AKR1C3: variants seen among roughly 807,000 people sequenced by gnomAD.
AKR1C3 encodes 3-alpha hydroxysteroid dehydrogenase, type II.
In AKR1C3, 48 loss-of-function variants were observed where a neutral mutation model predicts 43.6. The observed-to-expected ratio is 1.10, with a 90% confidence interval of 0.87 to 1.40. The LOEUF (loss-of-function observed/expected upper bound fraction) is 1.40. Among genes scored for constraint, AKR1C3 ranks in the 40% most tolerant of loss-of-function variants. The pLI, the probability that AKR1C3 is intolerant of heterozygous loss-of-function variation, is 0.00. For synonymous variants in AKR1C3, 162 were observed against 139.6 expected (o/e 1.16, Z -1.13); for missense variants, 482 against 391.2 (o/e 1.23, Z -1.96).
chr10:5,098,675 T>G (rs932910731), intron 3 of AKR1C3, 127 bp from the exon 4 acceptor site: 65 of 733,914 alleles, frequency 8.9e-5, no homozygotes, highest in Middle Eastern at 5.4e-4. Flanking sequence ...ACTTAGCACA[T>G]ATCACTTTCT....
At chr10:5,059,186 C>G (rs1554779960) in intron 1 of AKR1C3, among the ~76,000 whole-genome samples, 1 of 152,156 alleles carries the variant, frequency 6.6e-6, no homozygotes, top group African/African-American at 2.4e-5. Flanking sequence ...TTATGTCTTT[C>G]TGATTGGTGA....
At chr10:5,104,782 TA>T in intron 7 of AKR1C3, among the ~76,000 whole-genome samples, 1 of 152,166 alleles carries the variant, frequency 6.6e-6, no homozygotes, top group South Asian at 2.1e-4. Context: ...AAACCATATG[TA>T]TTTTTAAATA....
intron 1 of AKR1C3, among the ~76,000 whole-genome samples, chr10:5,080,397 G>A (rs1564362136): frequency 6.6e-6 from 1 of 152,320 alleles, no homozygotes; most frequent in East Asian, 1.9e-4. Context: ...GCTAAGGCAA[G>A]TGGATTGCTT....
chr10:5,082,371 AG>A (rs1554782448), intron 1 of AKR1C3, among the ~76,000 whole-genome samples: 4 of 152,084 alleles, frequency 2.6e-5, no homozygotes, highest in African/African-American at 9.7e-5. Flanking sequence ...TCCAGTTCTT[AG>A]GGGAAAGGTT....
intron 1 of AKR1C3, among the ~76,000 whole-genome samples, chr10:5,095,386 C>T (rs1429176509): frequency 3.3e-5 from 5 of 151,558 alleles, no homozygotes; most frequent in African/African-American, 1.2e-4. Context: ...TATAAATTGG[C>T]ATGGGCAGGA....
At chr10:5,048,879 C>A (rs1554778638) in exon 1 of AKR1C3, 4 of 1,613,642 alleles carry the variant, frequency 2.5e-6, no homozygotes, top group Non-Finnish European at 3.4e-6. Flanking sequence ...GGATTTGGCA[C>A]CTATGCACCT....
chr10:5,062,191 C>A (rs1937837), intron 1 of AKR1C3, among the ~76,000 whole-genome samples: 7,322 of 152,266 alleles, frequency 0.048, 219 homozygotes, highest in East Asian at 0.16. Flanking sequence ...CACACTAACA[C>A]TTTCACTCAA....
chr10:5,090,083 C>T (rs4880708), upstream of AKR1C3, among the ~76,000 whole-genome samples: 68,030 of 151,768 alleles, frequency 0.45, 16,160 homozygotes, highest in East Asian at 0.86. Flanking sequence ...GCCAGCTGTG[C>T]CAAAGCAGAT....
intron 1 of AKR1C3, among the ~76,000 whole-genome samples, chr10:5,087,519 C>A (rs184409420): frequency 1.3e-5 from 2 of 151,658 alleles, no homozygotes; most frequent in African/African-American, 2.4e-5. Flanking sequence ...ATTACAGGCA[C>A]ACACCACCAT....
chr10:5,075,121 G>A (rs1838686381), intron 1 of AKR1C3, among the ~76,000 whole-genome samples: 1 of 152,076 alleles, frequency 6.6e-6, no homozygotes, highest in Non-Finnish European at 1.5e-5. Flanking sequence ...ACCTCTGCTA[G>A]CCAGGCCTCC....
chr10:5,089,486 G>C (rs1839039786), upstream of AKR1C3, among the ~76,000 whole-genome samples: 1 of 152,012 alleles, frequency 6.6e-6, no homozygotes. Context: ...TAATTTGAAA[G>C]ACTAGTCTTC....
intron 1 of AKR1C3, among the ~76,000 whole-genome samples, chr10:5,067,814 G>A (rs1486306282): frequency 1.3e-5 from 2 of 152,238 alleles, no homozygotes; most frequent in East Asian, 3.9e-4. Flanking sequence ...TCCATGGTGA[G>A]TCATGGAGTG....
chr10:5,104,708 G>T (rs1455147033), intron 7 of AKR1C3, among the ~76,000 whole-genome samples: 15 of 151,996 alleles, frequency 9.9e-5, no homozygotes, highest in Admixed American at 2.6e-4. Flanking sequence ...AACCTATGAT[G>T]AATTTCCAAC....
intron 1 of AKR1C3, among the ~76,000 whole-genome samples, chr10:5,063,603 A>G (rs1182490015): frequency 6.6e-6 from 1 of 151,564 alleles, no homozygotes; most frequent in Non-Finnish European, 1.5e-5. Context: ...TGAGGCCAAC[A>G]TGGTGGAACC....
intron 3 of AKR1C3, 137 bp downstream of exon 3, chr10:5,097,687 T>C (rs1839243382): frequency 1.3e-6 from 2 of 1,529,044 alleles, no homozygotes; most frequent in Non-Finnish European, 1.8e-6. Flanking sequence ...GTGGAACACC[T>C]AATTTCCTTT....
In AKR1C3 at chr10:5,098,888, T is replaced by C. The variant is rs1345242760; in HGVS notation, c.447+9T>C. ...TCTGTACCACCTGGGAGGTGAGTGC[T>C]TGGCGGAGAGGACACAGAGAAGGAT... On this transcript the variant is annotated intron_variant, in intron 4 of 8. Coordinates refer to ENST00000380554, the MANE Select transcript of AKR1C3 (RefSeq NM_003739.6). 2.5e-6 allele frequency: 4 copies of C among 1,605,686 alleles called. No individual in the cohort carries two copies. In the Admixed American group the frequency reaches 5.1e-5, roughly 20 times the overall value.
intron 1 of AKR1C3, among the ~76,000 whole-genome samples, chr10:5,060,009 G>T (rs1838349589): frequency 6.6e-6 from 1 of 152,178 alleles, no homozygotes; most frequent in South Asian, 2.1e-4. Flanking sequence ...TGGTCTCGCT[G>T]GCTCAGGAGT....
At chr10:5,048,903 T>A in intron 1 of AKR1C3, 1 of 1,611,692 alleles carries the variant, frequency 6.2e-7, no homozygotes, top group Non-Finnish European at 8.5e-7. Flanking sequence ...GAGGTAATAA[T>A]AATGTTTTTG....
intron 1 of AKR1C3, among the ~76,000 whole-genome samples, chr10:5,072,725 A>C (rs1346152066): frequency 6.6e-6 from 1 of 152,208 alleles, no homozygotes; most frequent in African/African-American, 2.4e-5. Context: ...CCCAATTACC[A>C]GGTGAATTTA....
Sources: gnomAD v4.1 joint callset for allele counts (sites outside exome capture counted in the v4.1 genomes callset) on GRCh38, gnomAD v4.1.1 for gene constraint, MANE v1.5 for transcripts, NCBI Gene and HGNC (gene_info 2026-07-23, HGNC 2026-07-21) for gene names.